The following TMC2 variants were observed in gnomAD, a reference collection of about 807,000 sequenced individuals.
TMC2 encodes the protein transmembrane channel-like protein 2.
A neutral mutation model predicts 105.9 loss-of-function variants in TMC2; 102 were observed. The observed-to-expected ratio is 0.96, with a 90% CI of 0.82 to 1.14. TMC2 has a LOEUF of 1.14. TMC2 is among the 50% of genes most tolerant of loss of function. The pLI, the probability that TMC2 is intolerant of heterozygous loss-of-function variation, is 0.00. For missense variants in TMC2, 1,093 were observed against 1,134.3 expected, an observed-to-expected ratio of 0.96 and a Z score of 0.52; for synonymous variants, 402 against 422.8, an observed-to-expected ratio of 0.95 and a Z score of 0.60.
At chr20:2,594,098 G>C (rs2086286969) in intron 8 of TMC2, among the ~76,000 whole-genome samples, 1 of 152,120 alleles carries the variant, frequency 6.6e-6, no homozygotes, top group Non-Finnish European at 1.5e-5. Context: ...AGGCTGGGAG[G>C]CATGGCTGTA....
chr20:2,598,374 C>G (rs2086324316), intron 10 of TMC2, among the ~76,000 whole-genome samples: 1 of 151,030 alleles, frequency 6.6e-6, no homozygotes, highest in Non-Finnish European at 1.5e-5. Context: ...GAGAGGGTTC[C>G]TTCACAGACC....
intron 14 of TMC2, 158 bp downstream of exon 14, chr20:2,613,480 A>C: frequency 9.2e-7 from 1 of 1,090,268 alleles, no homozygotes. Flanking sequence ...TATTTCCTTT[A>C]AGGGTCCTAT....
chr20:2,609,017 A>C (rs2086414911), intron 11 of TMC2, among the ~76,000 whole-genome samples: 1 of 152,226 alleles, frequency 6.6e-6, no homozygotes, highest in African/African-American at 2.4e-5. Context: ...ATAGACCTCT[A>C]TGCCTATTAT....
intron 17 of TMC2, among the ~76,000 whole-genome samples, chr20:2,626,055 G>A (rs1286532546): frequency 6.6e-6 from 1 of 152,108 alleles, no homozygotes; most frequent in Non-Finnish European, 1.5e-5. Flanking sequence ...TGTCAGACAT[G>A]TGGATGAAAA....
intron 7 of TMC2, among the ~76,000 whole-genome samples, chr20:2,582,763 A>G (rs564873448): frequency 6.6e-6 from 1 of 152,344 alleles, no homozygotes; most frequent in Admixed American, 6.5e-5. Context: ...GGCATGAGCC[A>G]CCATCCCTGG....
intron 19 of TMC2, among the ~76,000 whole-genome samples, chr20:2,638,157 C>T (rs1350266000): frequency 2.0e-5 from 3 of 151,790 alleles, no homozygotes; most frequent in Admixed American, 6.6e-5. Flanking sequence ...CTGGCTGACA[C>T]GGTGAAACCC....
rs150942490 is a variant in TMC2 at position 2,602,315 on chromosome 20, C to A, written c.1413+14C>A. ...GAAAGGAATGAGGTAAGAAAAACAT[C>A]GCTGATGAACTGAAGGTTGATGGCA... On this transcript the variant is annotated intron_variant, in intron 11 of 19. Transcript: ENST00000358864. The A allele has an allele frequency of 4.5e-6, 7 of 1,554,050 alleles. No homozygotes were observed. Among genetic ancestry groups the A allele is most frequent in the Non-Finnish European group, 6.1e-6 (7 of 1,148,702 alleles).
chr20:2,603,968 A>T (rs1325426614), intron 11 of TMC2, among the ~76,000 whole-genome samples: 4 of 151,966 alleles, frequency 2.6e-5, no homozygotes, highest in Non-Finnish European at 5.9e-5. Context: ...CCAGGCCTTC[A>T]TACCCCATCA....
chr20:2,622,376 A>G (rs1163134000), intron 16 of TMC2, among the ~76,000 whole-genome samples: 4 of 152,226 alleles, frequency 2.6e-5, no homozygotes, highest in African/African-American at 9.6e-5. Context: ...CCATATGAAA[A>G]CAGGTGACAG....
rs988447401 is a variant in TMC2, at chr20:2,594,927, G to A, written c.1036G>A (p.Val346Ile). The part of the protein sequence containing the change: ...RLPMAYFMVG[V>I]SVFGYSLIIV... ...GCCTATGGCTTACTTTATGGTGGGG[G>A]TCAGCGTGTTCGGCTACAGCCTGAT... The change falls in exon 9 of 20, where the codon GTC becomes ATC. Residue 346 changes from valine (V) to isoleucine (I), a missense_variant. By Grantham distance (29) the Val-to-Ile change is conservative (BLOSUM62 3). Coordinates refer to ENST00000358864, the MANE Select transcript of TMC2 (RefSeq NM_080751.3). 3.7e-6 allele frequency: 6 copies of A among 1,614,116 alleles called. No homozygotes were observed. Among genetic ancestry groups the A allele is most frequent in the South Asian group, 3.3e-5 (3 of 91,084 alleles).
Position 2,596,737 on chromosome 20 carries a change from GTGTGTGTA to G in TMC2, c.1077-406_1077-399del, listed in dbSNP as rs754725585. Among the ~76,000 whole-genome samples the G allele has an allele frequency of 3.5e-3, 536 of 151,578 alleles. 1 individual carries two copies. Among genetic ancestry groups the G allele is most frequent in the Middle Eastern group, 0.017 (5 of 294 alleles). On this transcript the variant is annotated intron_variant, in intron 9 of 19. Transcript: ENST00000358864. ...TATATATGTGTGTGTGTGTGTGTGT[GTGTGTGTA>G]TGTGTGTGTGTGTTCTATCCAAGAA...
rs559833192 is a variant in TMC2 at position 2,637,550 on chromosome 20, G to T, written c.2462G>T (p.Ser821Ile). The T allele has an allele frequency of 6.2e-7, 1 of 1,614,014 alleles. No homozygotes were observed. Among genetic ancestry groups the T allele is most frequent in the African/African-American group, 1.3e-5 (1 of 74,992 alleles). ...AGAGATTCAGAGGACACACCTAAAAGCAGCTCCAAAAATGCCACCCAGCTC... is the reference window on the plus strand; with the variant it reads ...AGAGATTCAGAGGACACACCTAAAATCAGCTCCAAAAATGCCACCCAGCTC... ...TARDSEDTPK[S>I]SSKNATQLQL... The change falls in exon 19 of 20, where the codon AGC becomes ATC. Residue 821 changes from serine (S) to isoleucine (I), a missense_variant. By Grantham distance (142) the Ser-to-Ile change is moderately radical (BLOSUM62 -2). Coordinates refer to ENST00000358864, the MANE Select transcript of TMC2 (RefSeq NM_080751.3).
rs754839371 is a variant in TMC2, at chr20:2,558,803, C to G, written c.401+29C>G. 2 of 1,497,974 alleles carry G rather than the reference C, an allele frequency of 1.3e-6. No homozygotes were observed. The highest frequency in any genetic ancestry group is 1.8e-6 in the Non-Finnish European group (2 of 1,124,238). 92.8% of individuals were successfully genotyped at this position (1,497,974 alleles called of 1,614,324 possible). On this transcript the variant is annotated intron_variant, in intron 3 of 19. Coordinates refer to ENST00000358864, the MANE Select transcript of TMC2 (RefSeq NM_080751.3). This position sits in a 1 kb window ranked among gnomAD's most constrained non-coding sequence, Gnocchi z 4.6. ...TGTTGTGGCTCCGATTCTGGGCATTCGCTCCGCGCGCTCCCGCTCCTTCGC... is the reference window on the plus strand; with the variant it reads ...TGTTGTGGCTCCGATTCTGGGCATTGGCTCCGCGCGCTCCCGCTCCTTCGC...
intron 11 of TMC2, among the ~76,000 whole-genome samples, chr20:2,608,299 A>ATTTATTTTTT (rs1480863781): frequency 1.0e-5 from 1 of 98,916 alleles, no homozygotes; most frequent in African/African-American, 3.9e-5. Flanking sequence ...CCTTATTTTT[A>ATTTATTTTTT]TTTATTATTA....
rs1385829031 is a variant in TMC2, at chr20:2,592,727, A to G, written c.933+319A>G. ...ATTCCCACATTAAGACCCCAGATCT[A>G]TCTCCACTCCAGGCTTCCCCAAGTT... is the stretch of plus-strand genomic sequence containing the variant. On this transcript the variant is annotated intron_variant, in intron 8 of 19. Transcript: ENST00000358864. This position sits in a 1 kb window ranked among gnomAD's most constrained non-coding sequence, Gnocchi z 4.9. 6.6e-6 allele frequency among the ~76,000 whole-genome samples: 1 copy of G among 152,120 alleles called. No individual in the cohort carries two copies. Among genetic ancestry groups the G allele is most frequent in the Admixed American group, 6.6e-5 (1 of 15,258 alleles).
chr20:2,567,163 A>G (rs982311845), intron 4 of TMC2, among the ~76,000 whole-genome samples: 3 of 152,228 alleles, frequency 2.0e-5, no homozygotes, highest in Non-Finnish European at 2.9e-5. Context: ...GGTGAGGACC[A>G]TGTGGGGAGT....
chr20:2,591,369 C>A (rs148994686), intron 7 of TMC2, among the ~76,000 whole-genome samples: 1 of 152,124 alleles, frequency 6.6e-6, no homozygotes, highest in South Asian at 2.1e-4. Flanking sequence ...AAATATCTAA[C>A]AGTCATTATC....
At chr20:2,606,876 C>T (rs2086396238) in intron 11 of TMC2, among the ~76,000 whole-genome samples, 3 of 127,466 alleles carry the variant, frequency 2.4e-5, no homozygotes, top group African/African-American at 3.3e-5. Flanking sequence ...ATAGTTTTCC[C>T]TTAATTTCTT....
At chr20:2,613,058 A>G in intron 13 of TMC2, 136 bp from the exon 14 acceptor site, 2 of 1,211,998 alleles carry the variant, frequency 1.7e-6, no homozygotes, top group Non-Finnish European at 1.1e-6. Flanking sequence ...CTCTTCACAC[A>G]CAAAGGATCA....
Sources: gnomAD v4.1 joint callset for allele counts (sites outside exome capture counted in the v4.1 genomes callset) on GRCh38, gnomAD v4.1.1 for gene constraint, Gnocchi (gnomAD v3.1) non-coding constraint, MANE v1.5 for transcripts, NCBI Gene and HGNC (gene_info 2026-07-23, HGNC 2026-07-21) for gene names.